ARID1B: variants seen among roughly 807,000 people sequenced by gnomAD.
ARID1B encodes the protein AT-rich interactive domain-containing protein 1B.
A neutral mutation model predicts 212.3 loss-of-function variants in ARID1B; 30 were observed. That is an observed-to-expected ratio of 0.14 (90% CI 0.11 to 0.19). The LOEUF (loss-of-function observed/expected upper bound fraction) is 0.19. Among genes scored for constraint, ARID1B ranks in the 10% least tolerant of loss-of-function variants. ARID1B has a pLI of 1.00. For synonymous variants in ARID1B, 1,402 were observed against 1,301.7 expected (o/e 1.08, Z -1.66); for missense variants, 2,891 against 3,204.0 (o/e 0.90, Z 2.36).
At chr6:156,878,796 T>C (rs908142534) in intron 2 of ARID1B, among the ~76,000 whole-genome samples, 1 of 152,218 alleles carries the variant, frequency 6.6e-6, no homozygotes, top group African/African-American at 2.4e-5. Context: ...ACATTGCTGC[T>C]TTAATGCTTG....
At chr6:156,798,461 C>T (rs1026532471) in intron 1 of ARID1B, among the ~76,000 whole-genome samples, 2 of 152,374 alleles carry the variant, frequency 1.3e-5, no homozygotes, top group Admixed American at 6.5e-5. Context: ...AGGGTGCATG[C>T]GCTTTGGCCA....
intron 4 of ARID1B, among the ~76,000 whole-genome samples, chr6:156,996,076 T>G (rs920736045): frequency 6.6e-6 from 1 of 152,226 alleles, no homozygotes; most frequent in African/African-American, 2.4e-5. Flanking sequence ...ATCCTTTGAC[T>G]CTGTAGCAAA....
intron 4 of ARID1B, among the ~76,000 whole-genome samples, chr6:156,998,415 G>C (rs959466138): frequency 1.3e-5 from 2 of 152,124 alleles, no homozygotes; most frequent in African/African-American, 4.8e-5. Flanking sequence ...AGTAGAGACA[G>C]GGTTTCACCG....
At chr6:156,888,575 G>A (rs1582880158) in intron 2 of ARID1B, among the ~76,000 whole-genome samples, 1 of 152,312 alleles carries the variant, frequency 6.6e-6, no homozygotes, top group African/African-American at 2.4e-5. Flanking sequence ...TAACAAGAAA[G>A]AGGGAAAATC....
intron 2 of ARID1B, among the ~76,000 whole-genome samples, chr6:156,895,074 G>T (rs1282950691): frequency 6.6e-6 from 1 of 152,168 alleles, no homozygotes; most frequent in Non-Finnish European, 1.5e-5. Flanking sequence ...TGGATGTAAA[G>T]GTGGACAAGT....
intron 1 of ARID1B, among the ~76,000 whole-genome samples, chr6:156,780,148 C>T (rs1779140979): frequency 1.3e-5 from 2 of 152,126 alleles, no homozygotes; most frequent in Non-Finnish European, 2.9e-5. Flanking sequence ...TACATCGATT[C>T]GTTCCTTAGA....
intron 2 of ARID1B, among the ~76,000 whole-genome samples, chr6:156,877,107 T>A (rs9383814): frequency 0.34 from 52,161 of 152,036 alleles, 9,456 homozygotes; most frequent in African/African-American, 0.46. Flanking sequence ...ATCCCGAATG[T>A]TTAGCAACCA....
intron 6 of ARID1B, among the ~76,000 whole-genome samples, chr6:157,120,767 T>C (rs1002074081): frequency 2.6e-5 from 4 of 152,224 alleles, no homozygotes; most frequent in South Asian, 2.1e-4. Context: ...CAATTGTCCA[T>C]GTGCCAAATG....
intron 1 of ARID1B, among the ~76,000 whole-genome samples, chr6:156,794,081 A>G (rs1398246368): frequency 6.6e-6 from 1 of 152,194 alleles, no homozygotes; most frequent in Non-Finnish European, 1.5e-5. Flanking sequence ...AGAATCACCT[A>G]GGGAAGTAAC....
chr6:157,137,688 G>C (rs930989530), intron 7 of ARID1B, among the ~76,000 whole-genome samples: 2 of 152,158 alleles, frequency 1.3e-5, no homozygotes, highest in African/African-American at 2.4e-5. Flanking sequence ...AGTAACAGTA[G>C]TTCTGAGTCT....
At chr6:157,106,924 A>G (rs1786531249) in intron 5 of ARID1B, among the ~76,000 whole-genome samples, 1 of 152,246 alleles carries the variant, frequency 6.6e-6, no homozygotes, top group South Asian at 2.1e-4. Flanking sequence ...TACCACTGTA[A>G]TAAATGTAAA....
intron 4 of ARID1B, among the ~76,000 whole-genome samples, chr6:156,960,109 T>C (rs1794267914): frequency 6.6e-6 from 1 of 152,048 alleles, no homozygotes; most frequent in Non-Finnish European, 1.5e-5. Flanking sequence ...TTTTGTATTT[T>C]TAGTAGAGAC....
intron 4 of ARID1B, among the ~76,000 whole-genome samples, chr6:157,008,671 G>A (rs1779384543): frequency 6.6e-6 from 1 of 152,132 alleles, no homozygotes; most frequent in Non-Finnish European, 1.5e-5. Context: ...GGGAGGTGGT[G>A]GGAGGCCTTA....
In ARID1B at chr6:157,210,639, A is replaced by G. The variant is rs1399582000; in HGVS notation, c.*2748A>G. On this transcript the variant is annotated 3_prime_UTR_variant, in exon 20 of 20. Coordinates refer to ENST00000636930, the MANE Select transcript of ARID1B (RefSeq NM_001374828.1). ...GAGTTATTGCTTTGTCCTAAAAATT[A>G]GTCGGTTTTTTTTTTTCTATGAGGC... The G allele has an allele frequency of 4.4e-6, 1 of 226,246 alleles. No homozygotes were observed. The highest frequency in any genetic ancestry group is 2.4e-5 in the African/African-American group (1 of 42,470). 14.0% of individuals were successfully genotyped at this position (226,246 alleles called of 1,614,324 possible). A position where few individuals can be genotyped will look rare whatever the true frequency, so the allele number is the denominator to read the frequency against.
intron 1 of ARID1B, among the ~76,000 whole-genome samples, chr6:156,811,495 G>A (rs76081085): frequency 0.028 from 4,293 of 152,268 alleles, 89 homozygotes; most frequent in Non-Finnish European, 0.043. Flanking sequence ...CTGGAGGCTG[G>A]CAGTCCGAGA....
intron 4 of ARID1B, among the ~76,000 whole-genome samples, chr6:156,947,680 T>G (rs1023444819): frequency 6.6e-6 from 1 of 151,680 alleles, no homozygotes; most frequent in African/African-American, 2.4e-5. Flanking sequence ...TTTTTCTTCA[T>G]TTTTAAAAAG....
At chr6:157,103,258 T>TC (rs397886067) in intron 5 of ARID1B, among the ~76,000 whole-genome samples, 5 of 152,180 alleles carry the variant, frequency 3.3e-5, no homozygotes, top group Admixed American at 3.3e-4. Flanking sequence ...CTTTTTTTTT[T>TC]CAACAAATAC....
chr6:156,925,838 C>T (rs1310395388), intron 3 of ARID1B, among the ~76,000 whole-genome samples: 2 of 152,144 alleles, frequency 1.3e-5, no homozygotes, highest in Non-Finnish European at 2.9e-5. Flanking sequence ...ATGGCACATG[C>T]AAGAGACCCA....
intron 4 of ARID1B, among the ~76,000 whole-genome samples, chr6:157,006,952 TACAC>T (rs563242440): frequency 6.6e-6 from 1 of 151,630 alleles, no homozygotes; most frequent in Non-Finnish European, 1.5e-5. Flanking sequence ...CACATGTGTG[TACAC>T]ACACACACAC....
Sources: gnomAD v4.1 joint callset for allele counts (sites outside exome capture counted in the v4.1 genomes callset) on GRCh38, gnomAD v4.1.1 for gene constraint, MANE v1.5 for transcripts, NCBI Gene and HGNC (gene_info 2026-07-23, HGNC 2026-07-21) for gene names.